The following SLC6A17 variants were observed in gnomAD, a reference collection of about 807,000 sequenced individuals.
SLC6A17 encodes the protein solute carrier family 6 member 17, also known as sodium-dependent neutral amino acid transporter SLC6A17.
In SLC6A17, 21 loss-of-function variants were observed where a neutral mutation model predicts 64.5. The observed-to-expected ratio is 0.33, with a 90% CI of 0.23 to 0.47. The LOEUF (loss-of-function observed/expected upper bound fraction) is 0.47. Among genes scored for constraint, SLC6A17 ranks in the 20% least tolerant of loss-of-function variants. The pLI is 1.00. For synonymous variants in SLC6A17, 372 were observed against 399.5 expected, an observed-to-expected ratio of 0.93 and a Z score of 0.82; for missense variants, 682 against 963.2, an observed-to-expected ratio of 0.71 and a Z score of 3.86.
intron 5 of SLC6A17, 36 bp from the exon 6 acceptor site, chr1:110,176,593 G>T (rs749606342): frequency 6.3e-7 from 1 of 1,596,512 alleles, no homozygotes; most frequent in South Asian, 1.1e-5. Context: ...TGCAGGAAGG[G>T]CTCTGCCTGA....
intron 1 of SLC6A17, among the ~76,000 whole-genome samples, chr1:110,151,288 C>T (rs934309097): frequency 1.3e-5 from 2 of 152,218 alleles, no homozygotes; most frequent in Non-Finnish European, 2.9e-5. Context: ...CCACTGGGAG[C>T]CTCTTACGCA....
chr1:110,192,606 A>G lies in SLC6A17; in HGVS notation c.1207A>G (p.Met403Val), dbSNP rs576364057. Residue 403 changes from methionine to valine, a missense_variant, in exon 8 of 12, where the codon ATG (methionine) becomes GTG (valine). By Grantham distance (21) the Met-to-Val change is conservative. This residue lies in a region of SLC6A17 where 415 missense variants were observed against 603.8 expected (regional missense o/e 0.69). Transcript: ENST00000331565. This position sits in a 1 kb window ranked among gnomAD's most constrained non-coding sequence, Gnocchi z 4.3. ...NFSHLTTKDY[M>V]EMYNVIMTVK... ...CTCCCACCTGACCACAAAGGACTACATGGAGATGTACAATGTCATCATGAC... is the reference window on the plus strand; with the variant it reads ...CTCCCACCTGACCACAAAGGACTACGTGGAGATGTACAATGTCATCATGAC... 2.0e-5 allele frequency: 32 copies of G among 1,614,160 alleles called. No homozygotes were observed. The highest frequency in any genetic ancestry group is 1.7e-4 in the Middle Eastern group (1 of 6,058).
At chr1:110,169,531 C>T (rs760209311) in intron 2 of SLC6A17, among the ~76,000 whole-genome samples, 41 of 152,124 alleles carry the variant, frequency 2.7e-4, no homozygotes, top group African/African-American at 8.5e-4. Flanking sequence ...GGTCTGACTT[C>T]GGGACCTGGC....
At chr1:110,154,711 G>C (rs192740609) in intron 1 of SLC6A17, among the ~76,000 whole-genome samples, 26 of 152,200 alleles carry the variant, frequency 1.7e-4, no homozygotes, top group Admixed American at 5.9e-4. Flanking sequence ...AGAGCCGGTG[G>C]ATGTTGCCCT....
chr1:110,162,732 T>C (rs142890435), intron 1 of SLC6A17, among the ~76,000 whole-genome samples: 230 of 152,052 alleles, frequency 1.5e-3, no homozygotes, highest in African/African-American at 5.2e-3. Flanking sequence ...GCAGGGAGGG[T>C]TATTCCAAGT....
At chr1:110,193,934 C>T (rs577455516) in intron 8 of SLC6A17, among the ~76,000 whole-genome samples, 7 of 152,300 alleles carry the variant, frequency 4.6e-5, no homozygotes, top group South Asian at 2.1e-4. Context: ...TACAGGGCAA[C>T]GTGTAAGTGA....
chr1:110,153,831 T>A (rs1212784475), intron 1 of SLC6A17, among the ~76,000 whole-genome samples: 1 of 152,176 alleles, frequency 6.6e-6, no homozygotes, highest in East Asian at 1.9e-4. Flanking sequence ...TATCACTTGC[T>A]CCCAGGCTGA....
At chr1:110,190,273 C>T (rs1320859705) in intron 6 of SLC6A17, among the ~76,000 whole-genome samples, 1 of 152,170 alleles carries the variant, frequency 6.6e-6, no homozygotes, top group African/African-American at 2.4e-5. Flanking sequence ...TTATTTTGTG[C>T]TGGATGGGGG....
In SLC6A17 at chr1:110,192,774, A is replaced by C. The variant is rs1446135715; in HGVS notation, c.1299+76A>C. The C allele has an allele frequency of 6.1e-6, 9 of 1,470,398 alleles. No individual in the cohort carries two copies. In the Admixed American group the frequency reaches 1.3e-4, roughly 21 times the overall value. The allele number at this position is 1,470,398 out of a possible 1,614,324, so 91.1% of individuals were successfully genotyped here. A position where few individuals can be genotyped will look rare whatever the true frequency, so the allele number is the denominator to read the frequency against. ...CTGTGGCCGGCGGGAGCTTGGGCTC[A>C]GGCCTCAGGATGCTGACAGGTAGTC... On this transcript the variant is annotated intron_variant, in intron 8 of 11. Transcript: ENST00000331565. The surrounding 1 kb of genome is among the most constrained non-coding windows in gnomAD (Gnocchi z 4.3).
At chr1:110,166,556 T>G (rs958882370) in intron 1 of SLC6A17, among the ~76,000 whole-genome samples, 2 of 152,236 alleles carry the variant, frequency 1.3e-5, no homozygotes, top group African/African-American at 2.4e-5. Flanking sequence ...GGGAAATGTC[T>G]TCACGGATAA....
intron 1 of SLC6A17, among the ~76,000 whole-genome samples, chr1:110,154,457 A>G (rs1655701487): frequency 6.6e-6 from 1 of 152,210 alleles, no homozygotes; most frequent in Non-Finnish European, 1.5e-5. Context: ...GCCCCGGGAA[A>G]AGGGGAAATC....
chr1:110,161,352 G>C (rs573352933), intron 1 of SLC6A17, among the ~76,000 whole-genome samples: 1 of 152,276 alleles, frequency 6.6e-6, no homozygotes, highest in East Asian at 1.9e-4. Context: ...ACCTGAGTTA[G>C]ATGTTGGCTT....
intron 2 of SLC6A17, among the ~76,000 whole-genome samples, chr1:110,170,884 T>C (rs2101845970): frequency 6.6e-6 from 1 of 152,240 alleles, no homozygotes; most frequent in Admixed American, 6.5e-5. Flanking sequence ...TGTGTGCTCA[T>C]ATTGCTCACG....
chr1:110,195,820 A>C, intron 10 of SLC6A17, 75 bp downstream of exon 10: 2 of 1,581,146 alleles, frequency 1.3e-6, no homozygotes, highest in Non-Finnish European at 1.7e-6. Flanking sequence ...GAGGCAGATC[A>C]TAGAGTCACA....
intron 2 of SLC6A17, among the ~76,000 whole-genome samples, chr1:110,167,520 T>G (rs550317795): frequency 2.0e-5 from 3 of 152,002 alleles, no homozygotes; most frequent in Non-Finnish European, 2.9e-5. Context: ...AAAATGAAAA[T>G]AATAGTAGCT....
chr1:110,169,289 A>G (rs763957906), intron 2 of SLC6A17, among the ~76,000 whole-genome samples: 28 of 152,228 alleles, frequency 1.8e-4, no homozygotes, highest in Non-Finnish European at 3.8e-4. Context: ...CAAATGTTCA[A>G]CCAGTGCTTA....
intron 6 of SLC6A17, among the ~76,000 whole-genome samples, chr1:110,181,599 A>G (rs1308155328): frequency 1.3e-5 from 2 of 152,234 alleles, no homozygotes; most frequent in Non-Finnish European, 2.9e-5. Flanking sequence ...TTAACTGTTG[A>G]TGCCAAGGGG....
At position 110,194,707 on chromosome 1, in the gene SLC6A17, G is replaced by T; in HGVS notation, c.1428G>T (p.Gly476=). The change falls in exon 9 of 12, where the codon GGG becomes GGT. Residue 476 remains glycine (G), a synonymous_variant. Coordinates refer to ENST00000331565, the MANE Select transcript of SLC6A17 (RefSeq NM_001010898.4). ...LINLGLGSMI[G]TMAGITTPII... is the part of the protein sequence containing the mutation. ...ACCTGGGCCTGGGCAGCATGATCGG[G>T]ACCATGGCAGGCATCACCACGCCCA... is the stretch of plus-strand genomic sequence containing the variant. The T allele has an allele frequency of 6.2e-7, 1 of 1,614,170 alleles. No homozygotes were observed.
intron 1 of SLC6A17, among the ~76,000 whole-genome samples, chr1:110,165,338 G>T (rs1656019112): frequency 6.6e-6 from 1 of 152,200 alleles, no homozygotes. Flanking sequence ...ATGCAATGGG[G>T]TGTTCAACTG....
Sources: gnomAD v4.1 joint callset for allele counts (sites outside exome capture counted in the v4.1 genomes callset) on GRCh38, gnomAD v4.1.1 for gene constraint, gnomAD v4.1.1 regional missense constraint, Gnocchi (gnomAD v3.1) non-coding constraint, MANE v1.5 for transcripts, NCBI Gene and HGNC (gene_info 2026-07-23, HGNC 2026-07-21) for gene names.